MPPED2: variants seen among roughly 807,000 people sequenced by gnomAD.
The protein encoded by MPPED2 is metallophosphoesterase MPPED2.
A neutral mutation model predicts 33.0 loss-of-function variants in MPPED2; 5 were observed. The observed-to-expected ratio is 0.15, with a 90% CI of 0.08 to 0.32. MPPED2 has a LOEUF of 0.32. MPPED2 is among the 10% of genes least tolerant of loss of function. The pLI, the probability that MPPED2 is intolerant of heterozygous loss-of-function variation, is 1.00. For synonymous variants in MPPED2, 136 were observed against 141.9 expected, an observed-to-expected ratio of 0.96 and a Z score of 0.29; for missense variants, 275 against 372.1, an observed-to-expected ratio of 0.74 and a Z score of 2.15.
intron 3 of MPPED2, among the ~76,000 whole-genome samples, chr11:30,507,886 G>A (rs1227441548): frequency 6.6e-6 from 1 of 152,202 alleles, no homozygotes; most frequent in Non-Finnish European, 1.5e-5. Flanking sequence ...TCCTCAGGAA[G>A]AAAGGATTTC....
At chr11:30,389,960 T>C (rs564488212) in intron 6 of MPPED2, among the ~76,000 whole-genome samples, 17 of 152,286 alleles carry the variant, frequency 1.1e-4, no homozygotes, top group African/African-American at 3.9e-4. Flanking sequence ...CTACTCAATA[T>C]CTTCATGGGC....
intron 4 of MPPED2, among the ~76,000 whole-genome samples, chr11:30,472,019 C>A (rs1950970988): frequency 6.6e-6 from 1 of 152,082 alleles, no homozygotes; most frequent in South Asian, 2.1e-4. Context: ...AGCTACAGTG[C>A]ACGCCATTTG....
intron 6 of MPPED2, among the ~76,000 whole-genome samples, chr11:30,394,224 C>G (rs1241603790): frequency 6.6e-6 from 1 of 152,150 alleles, no homozygotes; most frequent in Admixed American, 6.6e-5. Flanking sequence ...AGTAGAGATA[C>G]TATAAGCATT....
intron 6 of MPPED2, among the ~76,000 whole-genome samples, chr11:30,413,141 T>C (rs191350838): frequency 6.6e-6 from 1 of 152,348 alleles, no homozygotes; most frequent in East Asian, 1.9e-4. Flanking sequence ...CTGAATTTTC[T>C]CTGGCCTCAG....
intron 4 of MPPED2, among the ~76,000 whole-genome samples, chr11:30,450,426 T>C (rs1950006965): frequency 6.6e-6 from 1 of 152,250 alleles, no homozygotes; most frequent in Non-Finnish European, 1.5e-5. Context: ...TATTATCTCA[T>C]TGATTCTCAC....
At chr11:30,492,957 A>G (rs494834) in intron 4 of MPPED2, among the ~76,000 whole-genome samples, 113,229 of 152,138 alleles carry the variant, frequency 0.74, 42,978 homozygotes, top group East Asian at 0.92. Flanking sequence ...AGGATTAAAT[A>G]AGATGACACG....
At chr11:30,537,563 C>T (rs1387729173) in intron 2 of MPPED2, among the ~76,000 whole-genome samples, 1 of 152,114 alleles carries the variant, frequency 6.6e-6, no homozygotes, top group Non-Finnish European at 1.5e-5. Context: ...TAGAAGAGAT[C>T]AGTGTGCAAC....
At chr11:30,436,108 A>G (rs1391536389) in intron 4 of MPPED2, among the ~76,000 whole-genome samples, 2 of 147,542 alleles carry the variant, frequency 1.4e-5, no homozygotes, top group Non-Finnish European at 3.0e-5. Context: ...AACCTGAGAT[A>G]AGAGAGCTTA....
intron 3 of MPPED2, among the ~76,000 whole-genome samples, chr11:30,503,903 G>A (rs482856): frequency 0.98 from 149,026 of 152,292 alleles, 72,967 homozygotes; most frequent in Middle Eastern, 1. Flanking sequence ...CAAATTCACA[G>A]GGCACAGCCT....
intron 2 of MPPED2, among the ~76,000 whole-genome samples, chr11:30,544,306 A>T (rs1331826101): frequency 2.0e-5 from 3 of 152,186 alleles, no homozygotes; most frequent in African/African-American, 7.2e-5. Flanking sequence ...TAATCAGCTT[A>T]AAATTCTGGG....
chr11:30,428,587 G>A (rs1057422189), intron 4 of MPPED2, among the ~76,000 whole-genome samples: 10 of 152,200 alleles, frequency 6.6e-5, no homozygotes, highest in African/African-American at 2.4e-4. Context: ...AAGTTGGCAT[G>A]AACCAGAACT....
chr11:30,480,500 A>G (rs992217891), intron 4 of MPPED2, among the ~76,000 whole-genome samples: 1 of 152,110 alleles, frequency 6.6e-6, no homozygotes, highest in African/African-American at 2.4e-5. Context: ...TCTGTACAAG[A>G]CATAATACAC....
At chr11:30,531,486 C>T (rs138165428) in intron 3 of MPPED2, among the ~76,000 whole-genome samples, 22 of 152,286 alleles carry the variant, frequency 1.4e-4, no homozygotes, top group African/African-American at 2.2e-4. Context: ...GGGGCCAATG[C>T]GGTGGTAGCT....
At chr11:30,387,399 G>GC (rs1199932503) in exon 7 of MPPED2, 1 of 152,118 alleles carries the variant, frequency 6.6e-6, no homozygotes, top group African/African-American at 2.4e-5. Context: ...CTTTCAGCAT[G>GC]CTTATCAGTA....
At chr11:30,555,962 C>A (rs1293780603) in intron 2 of MPPED2, among the ~76,000 whole-genome samples, 1 of 152,082 alleles carries the variant, frequency 6.6e-6, no homozygotes, top group Non-Finnish European at 1.5e-5. Flanking sequence ...CCAAAGATTC[C>A]TCAAGGTAGA....
chr11:30,421,474 GAA>G (rs36010780), intron 4 of MPPED2, among the ~76,000 whole-genome samples: 92 of 141,602 alleles, frequency 6.5e-4, no homozygotes, highest in African/African-American at 9.2e-4. Flanking sequence ...TATATTCCAG[GAA>G]AAAAAAAAAA....
chr11:30,393,820 C>A (rs1289570713), intron 6 of MPPED2, among the ~76,000 whole-genome samples: 1 of 152,132 alleles, frequency 6.6e-6, no homozygotes, highest in East Asian at 1.9e-4. Flanking sequence ...TACAGTTAAT[C>A]TGACTTGTTT....
At chr11:30,403,332 T>G (rs550247377) in intron 6 of MPPED2, among the ~76,000 whole-genome samples, 2 of 152,220 alleles carry the variant, frequency 1.3e-5, no homozygotes, top group African/African-American at 4.8e-5. Flanking sequence ...CTCAGAAATA[T>G]AGCCAGTCAC....
rs963095502 is a variant in MPPED2, at chr11:30,496,790, A to G, written c.311-1269T>C. ...CAGCAATTCAAACTGTAAAGATTAC[A>G]TTGTGAAGTCCACACAGTCTCAGCA... is the stretch of plus-strand genomic sequence containing the variant. On this transcript the variant is annotated intron_variant, in intron 3 of 6. Transcript: ENST00000358117. Among the ~76,000 whole-genome samples, 17 of 152,320 alleles carry G rather than the reference A, an allele frequency of 1.1e-4. 1 individual carries two copies. Among genetic ancestry groups the G allele is most frequent in the African/African-American group, 3.4e-4 (14 of 41,564 alleles).
Sources: allele counts gnomAD v4.1 joint callset (sites outside exome capture counted in the v4.1 genomes callset), GRCh38; gene constraint gnomAD v4.1.1; transcripts MANE v1.5; gene names NCBI Gene and HGNC (gene_info 2026-07-23, HGNC 2026-07-21).